OR2C1: variants seen among roughly 807,000 people sequenced by gnomAD.
The protein encoded by OR2C1 is olfactory receptor 2C1.
For synonymous variants in OR2C1, 209 were observed against 167.3 expected (o/e 1.25, Z -1.92); for missense variants, 468 against 388.3 (o/e 1.21, Z -1.73).
Position 3,356,127 on chromosome 16 carries a change from C to T in OR2C1, c.187C>T (p.Leu63Phe). The change falls in exon 1 of 1, where the codon CTC (leucine) becomes TTC (phenylalanine). Residue 63 changes from leucine to phenylalanine, a missense_variant. Leu to Phe is a conservative substitution (Grantham distance 22). Transcript: ENST00000304936. ...GCTCCATACACCCATGTACTTCTTC[C>T]TCAGCAACCTCTCCTCCTTGGACCT... ...ARLHTPMYFF[L>F]SNLSSLDLAF... 1 of 1,614,194 alleles carries T rather than the reference C, an allele frequency of 6.2e-7. No homozygotes were observed. Among genetic ancestry groups the T allele is most frequent in the Admixed American group, 1.7e-5 (1 of 60,026 alleles).
upstream of OR2C1, among the ~76,000 whole-genome samples, chr16:3,354,405 C>G (rs1476393650): frequency 5.3e-5 from 8 of 152,208 alleles, no homozygotes; most frequent in Admixed American, 2.6e-4. Context: ...TACCCATTAA[C>G]TATTTTAACC....
the OR2C1 span, among the ~76,000 whole-genome samples, chr16:3,328,904 A>G: frequency 2.0e-5 from 3 of 151,888 alleles, no homozygotes; most frequent in Non-Finnish European, 4.4e-5. Flanking sequence ...TCTTTCCTTC[A>G]CTTACTTTAT....
At chr16:3,328,499 C>G in the OR2C1 span, among the ~76,000 whole-genome samples, 42 of 152,310 alleles carry the variant, frequency 2.8e-4, no homozygotes, top group African/African-American at 1.0e-3. Context: ...TTATTGGTCA[C>G]TTTTTATGTA....
chr16:3,331,876 C>G, the OR2C1 span, among the ~76,000 whole-genome samples: 2 of 151,212 alleles, frequency 1.3e-5, no homozygotes, highest in African/African-American at 4.9e-5. Context: ...CACATATACA[C>G]CATGGAATAC....
At chr16:3,343,625 G>T in the OR2C1 span, among the ~76,000 whole-genome samples, 1 of 152,082 alleles carries the variant, frequency 6.6e-6, no homozygotes, top group Non-Finnish European at 1.5e-5. Context: ...GGTGGTGGGC[G>T]CCTGTAGTCC....
chr16:3,323,051 A>T, the OR2C1 span: 2 of 638,314 alleles, frequency 3.1e-6, no homozygotes, highest in Non-Finnish European at 4.5e-6. Context: ...CTTTTTTTTT[A>T]ACCCTTCCTT....
chr16:3,345,367 T>C, the OR2C1 span, among the ~76,000 whole-genome samples: 2 of 151,674 alleles, frequency 1.3e-5, no homozygotes, highest in African/African-American at 4.8e-5. Context: ...GCACCTGTAG[T>C]CCCAGCTACT....
the OR2C1 span, among the ~76,000 whole-genome samples, chr16:3,342,767 C>T: frequency 1.3e-5 from 2 of 152,214 alleles, no homozygotes; most frequent in South Asian, 2.1e-4. Context: ...ATCCCAGTTA[C>T]TCGGGAGGCT....
chr16:3,335,788 C>T, the OR2C1 span, among the ~76,000 whole-genome samples: 1 of 152,126 alleles, frequency 6.6e-6, no homozygotes, highest in Non-Finnish European at 1.5e-5. Context: ...CTTTACTGAA[C>T]TTGCTTATTA....
At chr16:3,345,288 T>C in the OR2C1 span, among the ~76,000 whole-genome samples, 2 of 152,026 alleles carry the variant, frequency 1.3e-5, no homozygotes, top group South Asian at 2.1e-4. Flanking sequence ...TTCGAGACCA[T>C]CCTGGCTAAC....
the OR2C1 span, among the ~76,000 whole-genome samples, chr16:3,328,466 T>C: frequency 2.6e-5 from 4 of 152,262 alleles, no homozygotes; most frequent in Non-Finnish European, 5.9e-5. Context: ...TGCTCATTCA[T>C]TCATTCAACA....
Position 3,355,944 on chromosome 16 carries a change from G to A in OR2C1, c.4G>A (p.Asp2Asn), listed in dbSNP as rs768688313. The change falls in exon 1 of 1, where the codon GAC becomes AAC. Residue 2 changes from aspartate (D) to asparagine (N), a missense_variant. Physicochemically the swap from Asp to Asn is conservative, Grantham distance 23. Coordinates refer to ENST00000304936, the MANE Select transcript of OR2C1 (RefSeq NM_012368.3). M[D>N]GVNDSSLQGF... is the part of the protein sequence containing the mutation. Reference sequence around the variant, plus strand: ...AAGTGACTGAAGACAACCAGTGATGGACGGGGTGAATGATAGCTCCTTGCA... The same window carrying A: ...AAGTGACTGAAGACAACCAGTGATGAACGGGGTGAATGATAGCTCCTTGCA... The A allele has an allele frequency of 5.6e-6, 9 of 1,601,296 alleles. No homozygotes were observed. In the South Asian group the frequency reaches 7.8e-5, roughly 14 times the overall value.
the OR2C1 span, among the ~76,000 whole-genome samples, chr16:3,331,777 G>A: frequency 4.7e-5 from 7 of 150,504 alleles, no homozygotes; most frequent in South Asian, 2.1e-4. Flanking sequence ...ACATGCACAC[G>A]TATGTTTATT....
chr16:3,324,610 C>T, the OR2C1 span, among the ~76,000 whole-genome samples: 8 of 152,042 alleles, frequency 5.3e-5, no homozygotes, highest in African/African-American at 1.7e-4. Flanking sequence ...TTTCTCTCTA[C>T]GTATGTTTGT....
At chr16:3,323,149 T>G in the OR2C1 span, 1 of 577,768 alleles carries the variant, frequency 1.7e-6, no homozygotes, top group Admixed American at 3.1e-5. Flanking sequence ...TGCTTCCACT[T>G]CATTGATAAA....
At chr16:3,350,657 C>T in the OR2C1 span, among the ~76,000 whole-genome samples, 8 of 148,660 alleles carry the variant, frequency 5.4e-5, no homozygotes, top group South Asian at 2.2e-4. Context: ...GTGATCCTCC[C>T]GCCTCGGCCT....
At chr16:3,324,016 C>A in the OR2C1 span, 1 of 449,170 alleles carries the variant, frequency 2.2e-6, no homozygotes, top group Non-Finnish European at 3.9e-6. Context: ...AAGCATTTGC[C>A]CATGATTTGT....
At chr16:3,333,211 A>ATTTTTTTTT in the OR2C1 span, among the ~76,000 whole-genome samples, 6 of 65,834 alleles carry the variant, frequency 9.1e-5, no homozygotes, top group Non-Finnish European at 1.1e-4. Context: ...TCTTTTGCCC[A>ATTTTTTTTT]TTTTTTTTTT....
chr16:3,341,810 A>C, the OR2C1 span, among the ~76,000 whole-genome samples: 1 of 152,138 alleles, frequency 6.6e-6, no homozygotes, highest in African/African-American at 2.4e-5. Context: ...TTCATGATGT[A>C]GGCGCGATTG....
Sources: gnomAD v4.1 joint callset for allele counts (sites outside exome capture counted in the v4.1 genomes callset) on GRCh38, gnomAD v4.1.1 for gene constraint, MANE v1.5 for transcripts, NCBI Gene and HGNC (gene_info 2026-07-23, HGNC 2026-07-21) for gene names.